PDE10A: variants seen among roughly 807,000 people sequenced by gnomAD.
PDE10A encodes the protein phosphodiesterase 10A.
In PDE10A, 39 loss-of-function variants were observed where a neutral mutation model predicts 97.7. That is an observed-to-expected ratio of 0.40 (90% CI 0.31 to 0.52). The LOEUF (loss-of-function observed/expected upper bound fraction) is 0.52, where lower values mean the gene tolerates loss of function less well. Ranked by LOEUF, PDE10A falls within the 20% of genes least tolerant of loss-of-function variation. PDE10A has a pLI of 0.56. For synonymous variants in PDE10A, 371 were observed against 376.8 expected (o/e 0.98, Z 0.18); for missense variants, 731 against 1,047.8 (o/e 0.70, Z 4.17).
chr6:165,968,249 C>T (rs1784569231), intron 1 of PDE10A, among the ~76,000 whole-genome samples: 2 of 152,242 alleles, frequency 1.3e-5, no homozygotes, highest in Non-Finnish European at 2.9e-5. Context: ...GATTCACCAG[C>T]ATGCCTATGC....
Position 165,418,782 on chromosome 6 carries a change from A to G in PDE10A, c.1654-5T>C, listed in dbSNP as rs1258415431. The G allele has an allele frequency of 6.2e-7, 1 of 1,611,416 alleles. No homozygotes were observed. Among genetic ancestry groups the G allele is most frequent in the Admixed American group, 1.7e-5 (1 of 59,842 alleles). On this transcript the variant is annotated splice_region_variant and splice_polypyrimidine_tract_variant and intron_variant, in intron 10 of 21. Coordinates refer to ENST00000539869, the MANE Select transcript of PDE10A (RefSeq NM_001385079.1). This position sits in a 1 kb window ranked among gnomAD's most constrained non-coding sequence, Gnocchi z 4.8. ...CACCAGGTTTTTTGCATATATCTAA[A>G]GACAAATGACAAAATAAGAGGAAGA... is the stretch of plus-strand genomic sequence containing the variant.
intron 18 of PDE10A, among the ~76,000 whole-genome samples, chr6:165,351,474 T>TACATGAGTA (rs1268778114): frequency 1.5e-4 from 23 of 152,166 alleles, no homozygotes; most frequent in South Asian, 8.3e-4. Context: ...ATCAAAGACA[T>TACATGAGTA]ACATGAGTAT....
intron 3 of PDE10A, among the ~76,000 whole-genome samples, chr6:165,476,524 T>A (rs1014326567): frequency 2.6e-5 from 4 of 152,136 alleles, no homozygotes; most frequent in African/African-American, 9.7e-5. Flanking sequence ...GAGAAAGACA[T>A]GGGTATTTCT....
chr6:165,974,269 AACG>A (rs1784784908), intron 1 of PDE10A, among the ~76,000 whole-genome samples: 1 of 152,256 alleles, frequency 6.6e-6, no homozygotes, highest in African/African-American at 2.4e-5. Context: ...TAGTGACTCC[AACG>A]ACTGCAAGAA....
intron 1 of PDE10A, among the ~76,000 whole-genome samples, chr6:165,901,709 G>A (rs569799595): frequency 1.3e-5 from 2 of 152,310 alleles, no homozygotes; most frequent in East Asian, 1.9e-4. Flanking sequence ...GGCTGAGGCA[G>A]GAGAATCACT....
intron 2 of PDE10A, among the ~76,000 whole-genome samples, chr6:165,483,600 G>C (rs1779727446): frequency 6.6e-6 from 1 of 152,094 alleles, no homozygotes; most frequent in African/African-American, 2.4e-5. Flanking sequence ...AAGTTACAGA[G>C]GCATATGTGC....
chr6:165,576,027 C>A (rs114101107), intron 1 of PDE10A, among the ~76,000 whole-genome samples: 1 of 152,208 alleles, frequency 6.6e-6, no homozygotes, highest in Non-Finnish European at 1.5e-5. Context: ...TTGGAAATTT[C>A]TCCTACATAA....
intron 1 of PDE10A, among the ~76,000 whole-genome samples, chr6:165,880,515 C>A (rs1285211289): frequency 2.0e-5 from 3 of 152,310 alleles, no homozygotes; most frequent in South Asian, 2.1e-4. Flanking sequence ...AGTGTCTTCT[C>A]ATTTTGCCCT....
At chr6:165,818,674 C>T (rs1779484669) in intron 1 of PDE10A, among the ~76,000 whole-genome samples, 1 of 152,230 alleles carries the variant, frequency 6.6e-6, no homozygotes, top group African/African-American at 2.4e-5. Flanking sequence ...ATGGTTATCA[C>T]AGACTCCCAA....
chr6:165,871,055 ATAAT>A (rs1284174891), intron 1 of PDE10A, among the ~76,000 whole-genome samples: 1 of 152,248 alleles, frequency 6.6e-6, no homozygotes, highest in Non-Finnish European at 1.5e-5. Context: ...ATAGTTAATA[ATAAT>A]TTATTGTATA....
chr6:165,931,367 C>T (rs1028321706), intron 1 of PDE10A, among the ~76,000 whole-genome samples: 4 of 152,288 alleles, frequency 2.6e-5, no homozygotes, highest in African/African-American at 7.2e-5. Flanking sequence ...GTGTTCAACA[C>T]GTATTTATTG....
chr6:165,860,198 A>C (rs2128476512), intron 1 of PDE10A, among the ~76,000 whole-genome samples: 1 of 152,342 alleles, frequency 6.6e-6, no homozygotes, highest in South Asian at 2.1e-4. Context: ...TCACGCCTGT[A>C]ATCCCAGCAC....
intron 2 of PDE10A, among the ~76,000 whole-genome samples, chr6:165,527,471 G>A (rs1782514962): frequency 6.6e-6 from 1 of 152,162 alleles, no homozygotes; most frequent in Admixed American, 6.5e-5. Context: ...AACCACAGCG[G>A]AGGCCTCTAG....
intron 1 of PDE10A, among the ~76,000 whole-genome samples, chr6:165,675,998 GCTAATGAT>G (rs1197740566): frequency 1.3e-5 from 2 of 152,296 alleles, no homozygotes; most frequent in East Asian, 3.9e-4. Flanking sequence ...GTGTCCGTCA[GCTAATGAT>G]TGGATAAGGA....
intron 1 of PDE10A, among the ~76,000 whole-genome samples, chr6:165,824,153 C>T (rs148019499): frequency 9.1e-4 from 139 of 152,072 alleles, no homozygotes; most frequent in African/African-American, 2.6e-3. Context: ...AGACATCATG[C>T]GGAGAGTGCC....
intron 1 of PDE10A, among the ~76,000 whole-genome samples, chr6:165,618,618 GA>G (rs917139454): frequency 3.3e-5 from 5 of 151,810 alleles, no homozygotes; most frequent in Admixed American, 6.6e-5. Context: ...GGGCCCCCCA[GA>G]AAAAAAATGT....
chr6:165,493,689 G>A (rs372322087), intron 2 of PDE10A, among the ~76,000 whole-genome samples: 1 of 152,056 alleles, frequency 6.6e-6, no homozygotes, highest in Non-Finnish European at 1.5e-5. Context: ...ATGGATCAAA[G>A]ACTTAAATCT....
intron 1 of PDE10A, among the ~76,000 whole-genome samples, chr6:165,595,021 G>A (rs1215020174): frequency 6.6e-6 from 1 of 152,224 alleles, no homozygotes; most frequent in African/African-American, 2.4e-5. Flanking sequence ...CACGTATCTA[G>A]TGACTGGCAA....
intron 1 of PDE10A, among the ~76,000 whole-genome samples, chr6:165,560,990 C>T (rs1013347451): frequency 1.1e-4 from 16 of 152,100 alleles, no homozygotes; most frequent in Middle Eastern, 3.4e-3. Context: ...GAGGTTGAGG[C>T]GGGCGGATCA....
Sources: allele counts gnomAD v4.1 joint callset (sites outside exome capture counted in the v4.1 genomes callset), GRCh38; gene constraint gnomAD v4.1.1; non-coding constraint Gnocchi (gnomAD v3.1); transcripts MANE v1.5; gene names NCBI Gene and HGNC (gene_info 2026-07-23, HGNC 2026-07-21).